The following MSMB variants were observed in gnomAD, a reference collection of about 807,000 sequenced individuals.
MSMB encodes the protein beta-microseminoprotein.
In MSMB, 10 loss-of-function variants were observed where a neutral mutation model predicts 10.5. That is an observed-to-expected ratio of 0.95 (90% CI 0.59 to 1.62). The LOEUF (loss-of-function observed/expected upper bound fraction) is 1.62. Ranked by LOEUF, MSMB falls within the 40% of genes most tolerant of loss-of-function variation. MSMB has a pLI of 0.00. For missense variants in MSMB, 126 were observed against 137.4 expected (o/e 0.92, Z 0.42); for synonymous variants, 43 against 46.5 (o/e 0.93, Z 0.30).
intron 3 of MSMB, 47 bp from the exon 4 acceptor site, chr10:46,033,598 G>A (rs377480588): frequency 3.3e-5 from 53 of 1,605,416 alleles, no homozygotes; most frequent in Non-Finnish European, 3.9e-5. Context: ...AAAGGACCCC[G>A]AGCACCCCCT....
chr10:46,045,785 G>A (rs1382209271), intron 1 of MSMB, among the ~76,000 whole-genome samples: 1 of 152,128 alleles, frequency 6.6e-6, no homozygotes, highest in Non-Finnish European at 1.5e-5. Flanking sequence ...GGAGCCCCTG[G>A]CAGGGAGAGA....
chr10:46,041,717 C>G (rs1209064363), intron 1 of MSMB, among the ~76,000 whole-genome samples: 1 of 151,554 alleles, frequency 6.6e-6, no homozygotes, highest in Non-Finnish European at 1.5e-5. Flanking sequence ...CACTTGAGCC[C>G]AGGAAGGTTG....
chr10:46,040,886 G>A (rs781838362), intron 1 of MSMB, among the ~76,000 whole-genome samples: 3 of 151,952 alleles, frequency 2.0e-5, no homozygotes, highest in South Asian at 2.1e-4. Context: ...CCCAGGAGGC[G>A]GACCTTGCAG....
At chr10:46,036,334 T>G (rs1840603881) in intron 3 of MSMB, among the ~76,000 whole-genome samples, 1 of 152,128 alleles carries the variant, frequency 6.6e-6, no homozygotes, top group South Asian at 2.1e-4. Context: ...AGAAAAAAGT[T>G]CATGAGAAAA....
chr10:46,035,782 A>G (rs1352101999), intron 3 of MSMB, among the ~76,000 whole-genome samples: 1 of 152,198 alleles, frequency 6.6e-6, no homozygotes, highest in Non-Finnish European at 1.5e-5. Context: ...ATGTTTTAAA[A>G]TGGTTACACT....
At chr10:46,034,353 C>T (rs1208657462) in intron 3 of MSMB, among the ~76,000 whole-genome samples, 2 of 151,646 alleles carry the variant, frequency 1.3e-5, no homozygotes, top group Non-Finnish European at 2.9e-5. Flanking sequence ...AGGTCTCGAA[C>T]TCCTGACCTC....
At chr10:46,037,669 C>T (rs1840640979) in intron 3 of MSMB, among the ~76,000 whole-genome samples, 2 of 152,164 alleles carry the variant, frequency 1.3e-5, no homozygotes, top group Admixed American at 6.5e-5. Flanking sequence ...CACATCTGAT[C>T]CCTCTGCCTA....
chr10:46,034,655 C>T (rs1840557395), intron 3 of MSMB, among the ~76,000 whole-genome samples: 1 of 151,704 alleles, frequency 6.6e-6, no homozygotes, highest in East Asian at 2.0e-4. Flanking sequence ...GAAACCCCGT[C>T]TCCACTAAAA....
In MSMB at chr10:46,039,511, C is replaced by A. The variant is rs118001473; in HGVS notation, c.110-440G>T. Among the ~76,000 whole-genome samples the A allele has an allele frequency of 2.2e-3, 331 of 152,284 alleles. 1 individual carries two copies. The highest frequency in any genetic ancestry group is 7.3e-3 in the African/African-American group (302 of 41,540). On this transcript the variant is annotated intron_variant, in intron 2 of 3. Transcript: ENST00000582163. ...ACATCTTGGGTACTTGAAAGCCACC[C>A]ATGTCTCAGCCTTACCCTAGAACAA...
chr10:46,046,058 T>C (rs1389974497), intron 1 of MSMB, among the ~76,000 whole-genome samples, 177 bp downstream of exon 1: 4 of 152,208 alleles, frequency 2.6e-5, no homozygotes, highest in Admixed American at 2.6e-4. Flanking sequence ...CATTACAATT[T>C]TCGCAAGCTC....
At chr10:46,037,966 G>A (rs931700101) in intron 3 of MSMB, among the ~76,000 whole-genome samples, 6 of 152,150 alleles carry the variant, frequency 3.9e-5, no homozygotes, top group Admixed American at 1.3e-4. Context: ...TGATGCAAGC[G>A]TCAACACAGA....
At chr10:46,036,446 G>A (rs1840607597) in intron 3 of MSMB, among the ~76,000 whole-genome samples, 1 of 152,164 alleles carries the variant, frequency 6.6e-6, no homozygotes, top group Admixed American at 6.5e-5. Context: ...TAGAAACCTT[G>A]AAACCTTGAA....
chr10:46,044,437 G>T (rs564499780), intron 1 of MSMB, among the ~76,000 whole-genome samples: 24 of 147,178 alleles, frequency 1.6e-4, no homozygotes, highest in African/African-American at 5.5e-4. Context: ...TTAGCTGGGC[G>T]TGGTGGCGGG....
chr10:46,043,177 G>T (rs68174315), intron 1 of MSMB, among the ~76,000 whole-genome samples: 32,839 of 151,912 alleles, frequency 0.22, 4,270 homozygotes, highest in African/African-American at 0.37. Context: ...TTGGGGATCT[G>T]GTTTCACTGA....
chr10:46,039,266 T>TA (rs1385419951), intron 2 of MSMB, among the ~76,000 whole-genome samples, 195 bp from the exon 3 acceptor site: 4 of 152,224 alleles, frequency 2.6e-5, no homozygotes, highest in African/African-American at 9.6e-5. Context: ...ATGCTACTGA[T>TA]AATGTTTTCT....
At chr10:46,038,308 G>A (rs1554927814) in intron 3 of MSMB, among the ~76,000 whole-genome samples, 1 of 149,062 alleles carries the variant, frequency 6.7e-6, no homozygotes, top group African/African-American at 2.5e-5. Context: ...TTTTTTTTTA[G>A]ACACAGTCTC....
rs528632014 is a variant in MSMB, at chr10:46,040,135, A to G, written c.4-44T>C. On this transcript the variant is annotated intron_variant, in intron 1 of 3. Transcript: ENST00000582163. ...TCAGGGTGGAGAATGAATTAATTCA[A>G]AGGATAATCCTTGACTGAGTGCTGT... 2.1e-5 allele frequency: 33 copies of G among 1,547,424 alleles called. No individual in the cohort carries two copies. In the South Asian group the frequency reaches 3.2e-4, roughly 15 times the overall value.
At chr10:46,043,716 CTAGAG>C (rs1296782424) in intron 1 of MSMB, among the ~76,000 whole-genome samples, 12 of 152,046 alleles carry the variant, frequency 7.9e-5, no homozygotes, top group African/African-American at 1.9e-4. Context: ...GTTCTATCGC[CTAGAG>C]TAGAGTTCAG....
Position 46,033,491 on chromosome 10 carries a change from G to T in MSMB, c.276C>A (p.Asp92Glu). The T allele has an allele frequency of 6.2e-7, 1 of 1,613,948 alleles. No homozygotes were observed. Among genetic ancestry groups the T allele is most frequent in the East Asian group, 2.2e-5 (1 of 44,878 alleles). Residue 92 changes from aspartate (D) to glutamate (E), a missense_variant, in exon 4 of 4, where the codon GAC (aspartate) becomes GAA (glutamate). By Grantham distance (45) the Asp-to-Glu change is conservative (BLOSUM62 2). Coordinates refer to ENST00000582163, the MANE Select transcript of MSMB (RefSeq NM_002443.4). ...TCTTCTCCACCACGATATACTTGCA[G>T]TCCTCCTTCTTGAAGATTCTTTGGC... ...DNCQRIFKKE[D>E]CKYIVVEKKD...
Sources: allele counts gnomAD v4.1 joint callset (sites outside exome capture counted in the v4.1 genomes callset), GRCh38; gene constraint gnomAD v4.1.1; transcripts MANE v1.5; gene names NCBI Gene and HGNC (gene_info 2026-07-23, HGNC 2026-07-21).